The following R3HDM2 variants were observed in gnomAD, a reference collection of about 807,000 sequenced individuals.
R3HDM2 encodes the protein R3H domain containing 2.
In R3HDM2, 38 loss-of-function variants were observed where a neutral mutation model predicts 124.5. That is an observed-to-expected ratio of 0.31 (90% CI 0.24 to 0.40). The LOEUF is 0.40. Among genes scored for constraint, R3HDM2 ranks in the 10% least tolerant of loss-of-function variants. R3HDM2 has a pLI of 1.00. For missense variants in R3HDM2, 869 were observed against 1,236.9 expected (o/e 0.70, Z 4.46); for synonymous variants, 391 against 448.0 (o/e 0.87, Z 1.61).
chr12:57,408,327 A>C (rs2068710520), intron 1 of R3HDM2, among the ~76,000 whole-genome samples: 2 of 152,308 alleles, frequency 1.3e-5, no homozygotes, highest in South Asian at 4.1e-4. Context: ...TCGGACTCCC[A>C]AAGTGCCAGG....
chr12:57,385,218 T>C (rs1168586542), intron 2 of R3HDM2, among the ~76,000 whole-genome samples: 1 of 150,892 alleles, frequency 6.6e-6, no homozygotes, highest in Non-Finnish European at 1.5e-5. Flanking sequence ...TGACTTAAGA[T>C]ACATTGAGGA....
intron 2 of R3HDM2, among the ~76,000 whole-genome samples, chr12:57,340,325 A>AG: frequency 6.6e-6 from 1 of 152,320 alleles, no homozygotes; most frequent in African/African-American, 2.4e-5. Flanking sequence ...TGTCCACCAC[A>AG]GGGGTTTCCT....
chr12:57,352,347 GA>G, intron 2 of R3HDM2, among the ~76,000 whole-genome samples: 1 of 151,358 alleles, frequency 6.6e-6, no homozygotes, highest in South Asian at 2.1e-4. Flanking sequence ...TGGAGTCATA[GA>G]TCATATCTCT....
intron 2 of R3HDM2, among the ~76,000 whole-genome samples, chr12:57,337,741 T>C (rs1198987645): frequency 6.6e-6 from 1 of 152,102 alleles, no homozygotes; most frequent in African/African-American, 2.4e-5. Flanking sequence ...GACAAGAAGG[T>C]GCATGAAGAG....
At chr12:57,334,135 C>G (rs2058569188) in intron 2 of R3HDM2, among the ~76,000 whole-genome samples, 1 of 152,158 alleles carries the variant, frequency 6.6e-6, no homozygotes, top group Non-Finnish European at 1.5e-5. Context: ...TTAGCACAAG[C>G]CCAACTGGCT....
At chr12:57,283,722 GA>G (rs1470646845) in intron 13 of R3HDM2, 101 bp downstream of exon 13, 11 of 1,173,392 alleles carry the variant, frequency 9.4e-6, no homozygotes, top group Non-Finnish European at 1.1e-5. Context: ...CTGGGCAACA[GA>G]GGAGACTCTG....
intron 1 of R3HDM2, among the ~76,000 whole-genome samples, chr12:57,416,455 A>G (rs1328399177): frequency 6.6e-6 from 1 of 152,216 alleles, no homozygotes; most frequent in Non-Finnish European, 1.5e-5. Flanking sequence ...ATTAACCAAA[A>G]TACTTGGCTG....
rs541789926 is a variant in R3HDM2 at position 57,331,747 on chromosome 12, C to T, written c.-35-21284G>A. Among the ~76,000 whole-genome samples, 681 of 151,654 alleles carry T rather than the reference C, an allele frequency of 4.5e-3. 6 individuals carry two copies. The highest frequency in any genetic ancestry group is 6.8e-3 in the Middle Eastern group (2 of 294). ...GGCTAACACGGTGAAACCCCGTCTC[C>T]GCTAAAAATACAAAAAATTAGCCGG... On this transcript the variant is annotated intron_variant, in intron 2 of 23. Transcript: ENST00000402412.
intron 19 of R3HDM2, among the ~76,000 whole-genome samples, chr12:57,264,770 C>T (rs892226574): frequency 3.3e-5 from 5 of 151,826 alleles, no homozygotes; most frequent in South Asian, 2.1e-4. Flanking sequence ...GTAGCTGGGA[C>T]GAACTAAAAG....
chr12:57,270,249 G>A (rs2043284752), intron 14 of R3HDM2, among the ~76,000 whole-genome samples: 1 of 152,056 alleles, frequency 6.6e-6, no homozygotes. Flanking sequence ...TTGAGACACA[G>A]TCTCATTTTG....
chr12:57,305,325 A>C (rs1458892650), intron 3 of R3HDM2, among the ~76,000 whole-genome samples: 3 of 152,196 alleles, frequency 2.0e-5, no homozygotes, highest in Admixed American at 6.5e-5. Context: ...TAGCTATACC[A>C]TAACTTATTT....
chr12:57,305,618 T>C (rs1203255947), intron 3 of R3HDM2: 2 of 398,846 alleles, frequency 5.0e-6, no homozygotes, highest in African/African-American at 4.1e-5. Context: ...TACTGGAGGA[T>C]ATGGAGATAA....
chr12:57,287,017 G>T (rs1374454564), intron 12 of R3HDM2, among the ~76,000 whole-genome samples: 1 of 152,314 alleles, frequency 6.6e-6, no homozygotes, highest in East Asian at 1.9e-4. Flanking sequence ...AGTGAATCTG[G>T]ATTAGGGCTC....
intron 2 of R3HDM2, among the ~76,000 whole-genome samples, chr12:57,363,453 G>C (rs1226766280): frequency 6.6e-6 from 1 of 152,136 alleles, no homozygotes; most frequent in Non-Finnish European, 1.5e-5. Context: ...GGGGTATAGG[G>C]AGAGATTTGT....
intron 2 of R3HDM2, among the ~76,000 whole-genome samples, chr12:57,327,424 G>A (rs981893474): frequency 4.8e-5 from 7 of 144,466 alleles, no homozygotes; most frequent in Non-Finnish European, 8.9e-5. Context: ...CCGAGATCGC[G>A]CCATTGCACT....
intron 1 of R3HDM2, among the ~76,000 whole-genome samples, chr12:57,417,179 G>A (rs1460913387): frequency 6.6e-6 from 1 of 151,850 alleles, no homozygotes; most frequent in Admixed American, 6.6e-5. Context: ...CAAGGTGGGT[G>A]GATCACCTTA....
chr12:57,353,363 T>C (rs912747603), intron 2 of R3HDM2, among the ~76,000 whole-genome samples: 1 of 152,138 alleles, frequency 6.6e-6, no homozygotes, highest in Non-Finnish European at 1.5e-5. Flanking sequence ...GATAAATTCA[T>C]CTTCTCCTAG....
At chr12:57,326,303 C>T (rs1268505347) in intron 2 of R3HDM2, among the ~76,000 whole-genome samples, 1 of 152,204 alleles carries the variant, frequency 6.6e-6, no homozygotes, top group Non-Finnish European at 1.5e-5. Flanking sequence ...AATTATGCTT[C>T]GTGAGGAAGG....
intron 10 of R3HDM2, among the ~76,000 whole-genome samples, chr12:57,294,276 C>T (rs1236226345): frequency 6.6e-6 from 1 of 152,146 alleles, no homozygotes; most frequent in African/African-American, 2.4e-5. Context: ...GAAAAGTTCA[C>T]AATAGGGACA....
Sources: gnomAD v4.1 joint callset for allele counts (sites outside exome capture counted in the v4.1 genomes callset) on GRCh38, gnomAD v4.1.1 for gene constraint, MANE v1.5 for transcripts, NCBI Gene and HGNC (gene_info 2026-07-23, HGNC 2026-07-21) for gene names.